XPOT: variants seen among roughly 807,000 people sequenced by gnomAD.
The protein encoded by XPOT is exportin-T.
XPOT carries 34 observed loss-of-function variants against 128.2 expected under a neutral mutation model. That is an observed-to-expected ratio of 0.27 (90% CI 0.20 to 0.35). The LOEUF is 0.35. Among genes scored for constraint, XPOT ranks in the 10% least tolerant of loss-of-function variants. XPOT has a pLI of 1.00. For missense variants in XPOT, 838 were observed against 1,125.3 expected (o/e 0.74, Z 3.65); for synonymous variants, 348 against 394.3 (o/e 0.88, Z 1.39).
At position 64,450,825 on chromosome 12, in the gene XPOT, T is replaced by G. The variant is rs577284952; in HGVS notation, c.*2694T>G. 6.6e-6 allele frequency: 1 copy of G among 152,346 alleles called. No homozygotes were observed. Among genetic ancestry groups the G allele is most frequent in the East Asian group, 1.9e-4 (1 of 5,192 alleles). 9.4% of individuals were successfully genotyped at this position (152,346 alleles called of 1,614,324 possible). On this transcript the variant is annotated 3_prime_UTR_variant, in exon 25 of 25. Coordinates refer to ENST00000332707, the MANE Select transcript of XPOT (RefSeq NM_007235.6). Reference sequence around the variant, plus strand: ...CTGATTTAGCCCTGTGCCTAACAGTTTAAATCTTAATGCTAATGTTAATTG... The same window carrying G: ...CTGATTTAGCCCTGTGCCTAACAGTGTAAATCTTAATGCTAATGTTAATTG...
Position 64,433,648 on chromosome 12 carries a change from C to T in XPOT, c.2452+45C>T, listed in dbSNP as rs1188195954. The T allele has an allele frequency of 3.9e-6, 6 of 1,520,776 alleles. No homozygotes were observed. The South Asian group carries it at 6.4e-5, about 16-fold the overall frequency. The allele number at this position is 1,520,776 out of a possible 1,614,324, so 94.2% of individuals were successfully genotyped here. A position where few individuals can be genotyped will look rare whatever the true frequency, so the allele number is the denominator to read the frequency against. The stretch of plus-strand genomic sequence containing the variant: ...CTAATTTGTCTGCTTAAGTCTGTGT[C>T]ACTGTTGTACATCTATATGACCAAG... On this transcript the variant is annotated intron_variant, in intron 19 of 24. Transcript: ENST00000332707.
At chr12:64,438,386 G>A (rs1273852859) in intron 22 of XPOT, among the ~76,000 whole-genome samples, 2 of 152,254 alleles carry the variant, frequency 1.3e-5, no homozygotes, top group South Asian at 2.1e-4. Flanking sequence ...CATTGCATAG[G>A]AAGCAAGTAC....
rs886161781 is a variant in XPOT, at chr12:64,407,072, G to A, written c.-75+2268G>A. Among the ~76,000 whole-genome samples the A allele has an allele frequency of 5.3e-5, 8 of 152,256 alleles. No homozygotes were observed. In the East Asian group the frequency reaches 1.2e-3, roughly 22 times the overall value. ...CTCTCAGGTTTTGTAAGTTGTCCAA[G>A]TGGCCCCAATTAAAAAATGACAAGA... On this transcript the variant is annotated intron_variant, in intron 1 of 24. Transcript: ENST00000332707.
chr12:64,426,710 C>T (rs1002438970), intron 15 of XPOT, among the ~76,000 whole-genome samples: 9 of 152,246 alleles, frequency 5.9e-5, no homozygotes, highest in African/African-American at 1.2e-4. Context: ...AGGCCTGGCG[C>T]GGTGGCCCAC....
intron 23 of XPOT, 115 bp downstream of exon 23, chr12:64,439,430 C>T (rs2040307573): frequency 2.1e-6 from 2 of 935,630 alleles, no homozygotes; most frequent in Admixed American, 2.3e-5. Flanking sequence ...AAGTTGTTGC[C>T]AGCATCTCAA....
In XPOT at chr12:64,450,163, C is replaced by CT. The variant is rs541199127; in HGVS notation, c.*2044dup. ...TAGTGTATCACTATACTTTTTTTTT[C>CT]TTTTTTTTTTTTGAATAGAGATCAG... is the stretch of plus-strand genomic sequence containing the variant. On this transcript the variant is annotated 3_prime_UTR_variant, in exon 25 of 25. Transcript: ENST00000332707. 1,302 of 143,614 alleles carry CT rather than the reference C, an allele frequency of 9.1e-3. 13 individuals are homozygous for CT. The highest frequency in any genetic ancestry group is 0.021 in the African/African-American group (827 of 39,432). 8.9% of individuals were successfully genotyped at this position (143,614 alleles called of 1,614,324 possible).
At chr12:64,431,901 C>T (rs969145945) in intron 18 of XPOT, 78 bp downstream of exon 18, 8 of 1,473,658 alleles carry the variant, frequency 5.4e-6, no homozygotes, top group African/African-American at 1.4e-5. Context: ...CGGATTTTGC[C>T]CTTGGGTTTC....
Position 64,418,094 on chromosome 12 carries a change from C to T in XPOT, c.249C>T (p.Leu83=). The T allele has an allele frequency of 5.0e-6, 8 of 1,613,380 alleles. No homozygotes were observed. The highest frequency in any genetic ancestry group is 1.1e-5 in the South Asian group (1 of 90,918). Residue 83 remains leucine, a synonymous_variant, in exon 5 of 25, where the codon CTC becomes CTT. Transcript: ENST00000332707. ...AACAACAGCTAATTAGGGAGACGCT[C>T]ATATCATGGCTGCAAGCTCAGGTAA... The part of the protein sequence containing the change: ...TVQQQLIRET[L]ISWLQAQMLN...
Position 64,420,139 on chromosome 12 carries a change from T to C in XPOT, c.559T>C (p.Trp187Arg). Residue 187 changes from tryptophan (W) to arginine (R), a missense_variant, in exon 7 of 25, where the codon TGG becomes CGG. Transcript: ENST00000332707. ...EQCIPNLVES[W>R]YQILQNYQFT... ...GTGCATTCCAAATCTGGTGGAATCA[T>C]GGTACCAAATATTACAAAATTATCA... 1 of 1,611,774 alleles carries C rather than the reference T, an allele frequency of 6.2e-7. No individual in the cohort carries two copies. Among genetic ancestry groups the C allele is most frequent in the South Asian group, 1.1e-5 (1 of 90,536 alleles).
chr12:64,438,849 C>T (rs1161335906), intron 22 of XPOT, among the ~76,000 whole-genome samples: 7 of 152,032 alleles, frequency 4.6e-5, no homozygotes, highest in African/African-American at 7.2e-5. Context: ...ACACTGGTCT[C>T]GAACTCTTGA....
intron 24 of XPOT, among the ~76,000 whole-genome samples, chr12:64,445,967 G>T (rs2040364184): frequency 6.6e-6 from 1 of 152,222 alleles, no homozygotes; most frequent in African/African-American, 2.4e-5. Context: ...GCCATCCTTT[G>T]ACTGTGGTTC....
intron 22 of XPOT, among the ~76,000 whole-genome samples, chr12:64,438,240 CA>C (rs907301523): frequency 4.0e-5 from 6 of 151,846 alleles, no homozygotes; most frequent in Admixed American, 3.3e-4. Flanking sequence ...CTTCAGAAAA[CA>C]AAAAAAAGTT....
Position 64,445,190 on chromosome 12 carries a change from A to G in XPOT, c.2862+59A>G, listed in dbSNP as rs939787067. The stretch of plus-strand genomic sequence containing the variant: ...AATTAGGTAATGTTTGAGAGCCAAG[A>G]GAGAATACATACCTGCAATTATAGA... On this transcript the variant is annotated intron_variant, in intron 24 of 24. Transcript: ENST00000332707. The G allele has an allele frequency of 1.6e-5, 21 of 1,298,244 alleles. No homozygotes were observed. In the Admixed American group the frequency reaches 2.4e-4, roughly 15 times the overall value. 80.4% of individuals were successfully genotyped at this position (1,298,244 alleles called of 1,614,324 possible).
At chr12:64,427,593 C>T (rs1027534670) in intron 15 of XPOT, among the ~76,000 whole-genome samples, 1 of 152,102 alleles carries the variant, frequency 6.6e-6, no homozygotes. Flanking sequence ...CCTCCTCAGG[C>T]TCAGGTGATC....
At chr12:64,437,439 A>T (rs1298934319) in intron 22 of XPOT, among the ~76,000 whole-genome samples, 6 of 152,252 alleles carry the variant, frequency 3.9e-5, no homozygotes, top group Admixed American at 3.9e-4. Flanking sequence ...TGGGAGTAAT[A>T]GGGAGCTGGC....
intron 22 of XPOT, among the ~76,000 whole-genome samples, chr12:64,437,227 G>A (rs2040290268): frequency 6.6e-6 from 1 of 152,138 alleles, no homozygotes; most frequent in South Asian, 2.1e-4. Flanking sequence ...CTGTATAAAG[G>A]TAAATAAGGC....
rs377613645 is a variant in XPOT, at chr12:64,425,100, C to T, written c.1370C>T (p.Ala457Val). 249 of 1,613,590 alleles carry T rather than the reference C, an allele frequency of 1.5e-4. No homozygotes were observed. The highest frequency in any genetic ancestry group is 2.1e-4 in the Non-Finnish European group (244 of 1,179,980). The change falls in exon 13 of 25, where the codon GCA becomes GTA. Residue 457 changes from alanine (A) to valine (V), a missense_variant. Around this residue, in one of 3 missense-constraint regions of XPOT, gnomAD observed 761 missense variants for 988.3 expected, o/e 0.77. Transcript: ENST00000332707. ...EVAIRLLYML[A>V]EALPVSHGAH... ...GCAATAAGATTGCTGTATATGTTGGCAGAAGCTCTTCCAGTATCTCATGGT... is the reference window on the plus strand; with the variant it reads ...GCAATAAGATTGCTGTATATGTTGGTAGAAGCTCTTCCAGTATCTCATGGT...
intron 16 of XPOT, 55 bp from the exon 17 acceptor site, chr12:64,429,994 T>G: frequency 6.8e-7 from 1 of 1,466,384 alleles, no homozygotes. Flanking sequence ...TTTTTCTCAT[T>G]AAATGAAGGG....
chr12:64,414,515 C>G (rs1370542517), intron 2 of XPOT, among the ~76,000 whole-genome samples: 1 of 152,032 alleles, frequency 6.6e-6, no homozygotes, highest in Non-Finnish European at 1.5e-5. Flanking sequence ...AGGAAAAGTG[C>G]CCTTCACGTG....
Sources: gnomAD v4.1 joint callset for allele counts (sites outside exome capture counted in the v4.1 genomes callset) on GRCh38, gnomAD v4.1.1 for gene constraint, gnomAD v4.1.1 regional missense constraint, MANE v1.5 for transcripts, NCBI Gene and HGNC (gene_info 2026-07-23, HGNC 2026-07-21) for gene names.